Variants in CRABP2 observed in about 807,000 individuals in gnomAD.
The protein encoded by CRABP2 is cellular retinoic acid-binding protein 2.
Under a neutral mutation model 17.9 loss-of-function variants are expected in CRABP2, and 20 were observed. The ratio of observed to expected loss-of-function variants is 1.12; its 90% CI spans 0.79 to 1.63. The LOEUF (loss-of-function observed/expected upper bound fraction) is 1.63. Ranked by LOEUF, CRABP2 falls within the 40% of genes most tolerant of loss-of-function variation. The pLI, the probability that CRABP2 is intolerant of heterozygous loss-of-function variation, is 0.00. For synonymous variants in CRABP2, 76 were observed against 66.4 expected, an observed-to-expected ratio of 1.14 and a Z score of -0.70; for missense variants, 151 against 168.6, an observed-to-expected ratio of 0.90 and a Z score of 0.58.
In CRABP2 at chr1:156,700,890, T is replaced by A. The variant is rs1423070110; in HGVS notation, c.233A>T (p.Asp78Val). Reference protein sequence around the residue: ...VGEEFEEQTVDGRPCKSLVKW... With the variant: ...VGEEFEEQTVVGRPCKSLVKW... Reference sequence around the variant, plus strand: ...GGCACTCACCTTACAGGGCCTCCCATCCACAGTCTGCTCCTCAAACTCCTC... The same window carrying A: ...GGCACTCACCTTACAGGGCCTCCCAACCACAGTCTGCTCCTCAAACTCCTC... Residue 78 changes from aspartate to valine, a missense_variant, in exon 2 of 4, where the codon GAT (aspartate) becomes GTT (valine). By Grantham distance (152) the Asp-to-Val change is radical. Transcript: ENST00000368222. The A allele has an allele frequency of 6.2e-7, 1 of 1,613,936 alleles. No individual in the cohort carries two copies. The highest frequency in any genetic ancestry group is 1.7e-5 in the Admixed American group (1 of 60,018).
intron 1 of CRABP2, 89 bp from the exon 2 acceptor site, chr1:156,701,141 T>G: frequency 2.1e-6 from 3 of 1,450,602 alleles, no homozygotes; most frequent in Non-Finnish European, 2.8e-6. Flanking sequence ...GCAGGCTGAT[T>G]TGTGACTTGC....
At chr1:156,701,207 T>C (rs1280861514) in intron 1 of CRABP2, among the ~76,000 whole-genome samples, 155 bp from the exon 2 acceptor site, 1 of 151,980 alleles carries the variant, frequency 6.6e-6, no homozygotes, top group Non-Finnish European at 1.5e-5. Flanking sequence ...TCTAAGAAAG[T>C]GCCTTGAAGG....
Position 156,700,008 on chromosome 1 carries a change from G to T in CRABP2, c.*18C>A. On this transcript the variant is annotated 3_prime_UTR_variant, in exon 4 of 4. Coordinates refer to ENST00000368222, the MANE Select transcript of CRABP2 (RefSeq NM_001878.4). ...ATGGCCAGTGGTGGGCTTCGGCCGC[G>T]GTTCTACCTGTGGCCACTCACTCTC... 1.9e-6 allele frequency: 3 copies of T among 1,611,266 alleles called. No individual in the cohort carries two copies. Among genetic ancestry groups the T allele is most frequent in the African/African-American group, 1.3e-5 (1 of 74,948 alleles).
Position 156,704,802 on chromosome 1 carries a change from G to C in CRABP2, c.70+575C>G, listed in dbSNP as rs139841496. Among the ~76,000 whole-genome samples, 40 of 152,132 alleles carry C rather than the reference G, an allele frequency of 2.6e-4. 1 individual carries two copies. The East Asian group carries it at 7.3e-3, about 28-fold the overall frequency. ...AAAATACTTGTCTCACAGATGGGGGGTGGGGAGAGCAGAGTGGAAAGTGCA... is the reference window on the plus strand; with the variant it reads ...AAAATACTTGTCTCACAGATGGGGGCTGGGGAGAGCAGAGTGGAAAGTGCA... On this transcript the variant is annotated intron_variant, in intron 1 of 3. Transcript: ENST00000368222.
rs1166442742 is a variant in CRABP2, at chr1:156,705,146, T to C, written c.70+231A>G. 6.6e-6 allele frequency among the ~76,000 whole-genome samples: 1 copy of C among 152,194 alleles called. No homozygotes were observed. Among genetic ancestry groups the C allele is most frequent in the East Asian group, 1.9e-4 (1 of 5,198 alleles). ...CTCGCGCTTCTGGTTTCTACGTGAT[T>C]CACAGGCCGTGAGTCACCGCAGTGT... On this transcript the variant is annotated intron_variant, in intron 1 of 3. Coordinates refer to ENST00000368222, the MANE Select transcript of CRABP2 (RefSeq NM_001878.4). The surrounding 1 kb of genome is among the most constrained non-coding windows in gnomAD (Gnocchi z 5.2).
Position 156,705,314 on chromosome 1 carries a change from C to T in CRABP2, c.70+63G>A. The T allele has an allele frequency of 6.4e-7, 1 of 1,560,678 alleles. No individual in the cohort carries two copies. The highest frequency in any genetic ancestry group is 2.2e-5 in the East Asian group (1 of 44,564). ...ATTGTGGTCCCGCTGTCTTTCTCAT[C>T]CCCAACTTCGAGGACTCCAGAGCCC... On this transcript the variant is annotated intron_variant, in intron 1 of 3. Transcript: ENST00000368222. The surrounding 1 kb of genome is among the most constrained non-coding windows in gnomAD (Gnocchi z 5.2).
chr1:156,703,090 T>G (rs1056219370), intron 1 of CRABP2, among the ~76,000 whole-genome samples: 11 of 150,380 alleles, frequency 7.3e-5, no homozygotes, highest in African/African-American at 2.7e-4. Context: ...GCTCTCTGCA[T>G]TAGGCACCGT....
At chr1:156,703,701 T>C in intron 1 of CRABP2, among the ~76,000 whole-genome samples, 1 of 152,118 alleles carries the variant, frequency 6.6e-6, no homozygotes, top group East Asian at 1.9e-4. Flanking sequence ...GGACCCCCAT[T>C]GTTGGCTGCT....
At position 156,705,471 on chromosome 1, in the gene CRABP2, C is replaced by G. The variant is rs1648168702; in HGVS notation, c.-25G>C. On this transcript the variant is annotated 5_prime_UTR_variant, in exon 1 of 4. Transcript: ENST00000368222. This position sits in a 1 kb window ranked among gnomAD's most constrained non-coding sequence, Gnocchi z 5.2. Reference sequence around the variant, plus strand: ...TGGTGGCGGCGCGGGAGGCGGTCCCCGTAGACTCCTAGGCTGGAGCACTGG... The same window carrying G: ...TGGTGGCGGCGCGGGAGGCGGTCCCGGTAGACTCCTAGGCTGGAGCACTGG... The G allele has an allele frequency of 3.1e-6, 5 of 1,612,904 alleles. No homozygotes were observed. In the South Asian group the frequency reaches 4.4e-5, roughly 14 times the overall value.
chr1:156,702,622 A>G (rs555383435), intron 1 of CRABP2, among the ~76,000 whole-genome samples: 23 of 151,770 alleles, frequency 1.5e-4, no homozygotes, highest in Non-Finnish European at 3.1e-4. Context: ...AAAATAAAAA[A>G]TTAGCCAGGC....
At position 156,700,559 on chromosome 1, in the gene CRABP2, C is replaced by T. The variant is rs146571038; in HGVS notation, c.349G>A (p.Asp117Asn). The change falls in exon 3 of 4, where the codon GAT (aspartate) becomes AAT (asparagine). Residue 117 changes from aspartate (D) to asparagine (N), a missense_variant. Physicochemically the swap from Asp to Asn is conservative, Grantham distance 23. Transcript: ENST00000368222. The part of the protein sequence containing the change: ...KTSWTRELTN[D>N]GELILTMTAD... ...GGACTTACCAGGATCAGTTCCCCAT[C>T]GTTGGTCAGTTCTCTGGTCCACGAG... 1,665 of 1,613,878 alleles carry T rather than the reference C, an allele frequency of 1.0e-3. 2 individuals are homozygous for T. Among genetic ancestry groups the T allele is most frequent in the Non-Finnish European group, 1.4e-3 (1,596 of 1,179,782 alleles).
intron 3 of CRABP2, 64 bp from the exon 4 acceptor site, chr1:156,700,140 G>T: frequency 6.5e-7 from 1 of 1,544,876 alleles, no homozygotes; most frequent in Non-Finnish European, 8.9e-7. Flanking sequence ...TTGGAGAGGA[G>T]GGTTGAATGG....
At chr1:156,701,155 G>T in intron 1 of CRABP2, 103 bp from the exon 2 acceptor site, 1 of 1,341,324 alleles carries the variant, frequency 7.5e-7, no homozygotes, top group Non-Finnish European at 1.0e-6. Context: ...GACTTGCTTG[G>T]GGTGGGTGTG....
chr1:156,702,140 G>T (rs1363807071), intron 1 of CRABP2, among the ~76,000 whole-genome samples: 1 of 151,938 alleles, frequency 6.6e-6, no homozygotes, highest in Admixed American at 6.6e-5. Context: ...GACAGAGAGA[G>T]ACCCTGTCTC....
chr1:156,700,859 C>G lies in CRABP2; in HGVS notation c.249+15G>C. ...GCAATGACGCCATGACCCTGGAGCC[C>G]CTTCTGGCACTCACCTTACAGGGCC... On this transcript the variant is annotated intron_variant, in intron 2 of 3. Transcript: ENST00000368222. 6.2e-7 allele frequency: 1 copy of G among 1,611,140 alleles called. No homozygotes were observed. Among genetic ancestry groups the G allele is most frequent in the Non-Finnish European group, 8.5e-7 (1 of 1,177,828 alleles).
rs1373320041 is a variant in CRABP2 at position 156,699,854 on chromosome 1, G to C, written c.*172C>G. 1 of 627,968 alleles carries C rather than the reference G, an allele frequency of 1.6e-6. No homozygotes were observed. The highest frequency in any genetic ancestry group is 2.8e-6 in the Non-Finnish European group (1 of 358,040). 38.9% of individuals were successfully genotyped at this position (627,968 alleles called of 1,614,324 possible). A position where few individuals can be genotyped will look rare whatever the true frequency, so the allele number is the denominator to read the frequency against. ...CTCTTTGTTGGTGTAGGGGAGGAGAGAAGAGGTCAAAGAAAGCAAGACCCT... is the reference window on the plus strand; with the variant it reads ...CTCTTTGTTGGTGTAGGGGAGGAGACAAGAGGTCAAAGAAAGCAAGACCCT... On this transcript the variant is annotated 3_prime_UTR_variant, in exon 4 of 4. Coordinates refer to ENST00000368222, the MANE Select transcript of CRABP2 (RefSeq NM_001878.4).
intron 3 of CRABP2, among the ~76,000 whole-genome samples, chr1:156,700,282 C>T (rs1412520926): frequency 6.6e-6 from 1 of 152,146 alleles, no homozygotes; most frequent in Non-Finnish European, 1.5e-5. Flanking sequence ...CGTCCTCCTC[C>T]TCAAGCCAGG....
In CRABP2 at chr1:156,701,012, C is replaced by T. The variant is rs777891020; in HGVS notation, c.111G>A (p.Ala37=). The T allele has an allele frequency of 9.9e-6, 16 of 1,614,034 alleles. No individual in the cohort carries two copies. Among genetic ancestry groups the T allele is most frequent in the East Asian group, 2.2e-5 (1 of 44,886 alleles). ...GTTTGATCTCCACTGCTGGCTTGGA[C>T]GCTGCAGCCACAGCAATCTTCCTCA... ...VMLRKIAVAA[A]SKPAVEIKQE... Residue 37 remains alanine, a synonymous_variant, in exon 2 of 4, where the codon GCG becomes GCA. Coordinates refer to ENST00000368222, the MANE Select transcript of CRABP2 (RefSeq NM_001878.4).
intron 1 of CRABP2, among the ~76,000 whole-genome samples, chr1:156,703,468 G>T (rs753252029): frequency 2.0e-5 from 3 of 152,168 alleles, no homozygotes; most frequent in Non-Finnish European, 2.9e-5. Context: ...CTGATCTGCC[G>T]CCCTGTCCTG....
Sources: gnomAD v4.1 joint callset for allele counts (sites outside exome capture counted in the v4.1 genomes callset) on GRCh38, gnomAD v4.1.1 for gene constraint, Gnocchi (gnomAD v3.1) non-coding constraint, MANE v1.5 for transcripts, NCBI Gene and HGNC (gene_info 2026-07-23, HGNC 2026-07-21) for gene names.